Variants in LRRTM4 observed in about 807,000 individuals in gnomAD.
LRRTM4 encodes the protein leucine-rich repeat transmembrane neuronal protein 4.
Under a neutral mutation model 47.6 loss-of-function variants are expected in LRRTM4, and 25 were observed. That is an observed-to-expected ratio of 0.53 (90% CI 0.38 to 0.73). The LOEUF (loss-of-function observed/expected upper bound fraction) is 0.73. Among genes scored for constraint, LRRTM4 ranks in the 30% least tolerant of loss-of-function variants. LRRTM4 has a pLI of 0.00. For missense variants in LRRTM4, 638 were observed against 713.4 expected (o/e 0.89, Z 1.20); for synonymous variants, 311 against 269.5 (o/e 1.15, Z -1.51).
intron 3 of LRRTM4, among the ~76,000 whole-genome samples, chr2:77,018,579 T>A (rs1213301784): frequency 6.6e-6 from 1 of 152,074 alleles, no homozygotes; most frequent in Non-Finnish European, 1.5e-5. Flanking sequence ...GGTGATAACA[T>A]CAGCAACCAG....
chr2:77,232,084 C>T (rs566754253), intron 3 of LRRTM4, among the ~76,000 whole-genome samples: 2 of 152,090 alleles, frequency 1.3e-5, no homozygotes, highest in East Asian at 3.9e-4. Flanking sequence ...TCCACATCAA[C>T]TTCTTGTATC....
At position 77,111,619 on chromosome 2, in the gene LRRTM4, A is replaced by T. The variant is rs566004551; in HGVS notation, c.1552-362703T>A. Among the ~76,000 whole-genome samples the T allele has an allele frequency of 3.9e-5, 6 of 152,080 alleles. No homozygotes were observed. The South Asian group carries it at 1.2e-3, about 32-fold the overall frequency. On this transcript the variant is annotated intron_variant, in intron 3 of 3. Coordinates refer to ENST00000409884, the MANE Select transcript of LRRTM4 (RefSeq NM_001134745.3). ...TACCCCATCCTACTTGGTCCTTAAGATTTCCTGTGTCCAGGGTCTCCATGG... is the reference window on the plus strand; with the variant it reads ...TACCCCATCCTACTTGGTCCTTAAGTTTTCCTGTGTCCAGGGTCTCCATGG...
chr2:77,394,967 T>A (rs1055137769), intron 3 of LRRTM4, among the ~76,000 whole-genome samples: 4 of 151,936 alleles, frequency 2.6e-5, no homozygotes, highest in Non-Finnish European at 5.9e-5. Flanking sequence ...TTGTCTTAAT[T>A]TGCTTATCTT....
intron 3 of LRRTM4, among the ~76,000 whole-genome samples, chr2:77,102,940 A>G (rs984602491): frequency 6.6e-6 from 1 of 152,186 alleles, no homozygotes; most frequent in Non-Finnish European, 1.5e-5. Context: ...TCTGTGTCAG[A>G]GACCATGTGA....
chr2:77,270,229 G>C (rs1316325703), intron 3 of LRRTM4, among the ~76,000 whole-genome samples: 1 of 151,956 alleles, frequency 6.6e-6, no homozygotes, highest in Non-Finnish European at 1.5e-5. Context: ...AAGTGACCTA[G>C]AAAATTGAAA....
chr2:77,478,834 T>A (rs1425307924), intron 3 of LRRTM4, among the ~76,000 whole-genome samples: 1 of 152,200 alleles, frequency 6.6e-6, no homozygotes. Context: ...AAAAACAAAG[T>A]GCTCATCTTG....
At chr2:77,265,276 A>C (rs73940894) in intron 3 of LRRTM4, among the ~76,000 whole-genome samples, 10,890 of 152,122 alleles carry the variant, frequency 0.072, 1,273 homozygotes, top group African/African-American at 0.25. Flanking sequence ...TGTGTCCCCA[A>C]AGTTCGTATG....
intron 3 of LRRTM4, among the ~76,000 whole-genome samples, chr2:77,339,287 T>C (rs1171571584): frequency 6.6e-6 from 1 of 152,114 alleles, no homozygotes; most frequent in African/African-American, 2.4e-5. Context: ...TGCAATTTAC[T>C]TAACGTATAT....
At chr2:76,953,378 A>C (rs1675560662) in intron 3 of LRRTM4, among the ~76,000 whole-genome samples, 1 of 151,906 alleles carries the variant, frequency 6.6e-6, no homozygotes, top group South Asian at 2.1e-4. Flanking sequence ...AAAGCCAAGA[A>C]TAGTTGCTTT....
chr2:77,506,330 GA>G (rs1678771540), intron 3 of LRRTM4, among the ~76,000 whole-genome samples: 1 of 151,626 alleles, frequency 6.6e-6, no homozygotes, highest in Non-Finnish European at 1.5e-5. Context: ...TAGAGGAAAT[GA>G]TTAAGACATA....
chr2:77,233,704 G>A (rs13421501), intron 3 of LRRTM4, among the ~76,000 whole-genome samples: 29,260 of 152,080 alleles, frequency 0.19, 5,321 homozygotes, highest in African/African-American at 0.47. Context: ...TTGTAAATCA[G>A]AACCTCAGAG....
rs994344111 is a variant in LRRTM4, at chr2:76,859,169, T to A, written c.1552-110253A>T. Among the ~76,000 whole-genome samples the A allele has an allele frequency of 3.3e-5, 5 of 152,338 alleles. No homozygotes were observed. In the East Asian group the frequency reaches 9.6e-4, roughly 29 times the overall value. On this transcript the variant is annotated intron_variant, in intron 3 of 3. Coordinates refer to ENST00000409884, the MANE Select transcript of LRRTM4 (RefSeq NM_001134745.3). ...AGAAAGGACTGAAAAGTATCATATT[T>A]AACTTAGGAGGGGGTGAAGGATACT... is the stretch of plus-strand genomic sequence containing the variant.
chr2:76,779,435 C>A (rs1674223091), intron 3 of LRRTM4, among the ~76,000 whole-genome samples: 2 of 149,238 alleles, frequency 1.3e-5, no homozygotes, highest in South Asian at 4.3e-4. Flanking sequence ...CTTTATGAAT[C>A]TGGGTGCTCC....
chr2:76,925,430 G>A (rs539670443), intron 3 of LRRTM4, among the ~76,000 whole-genome samples: 1 of 152,174 alleles, frequency 6.6e-6, no homozygotes, highest in Admixed American at 6.6e-5. Context: ...GAGGCTCTTA[G>A]CCGAGGATCC....
At chr2:76,877,711 A>G (rs1672816043) in intron 3 of LRRTM4, among the ~76,000 whole-genome samples, 1 of 152,196 alleles carries the variant, frequency 6.6e-6, no homozygotes, top group African/African-American at 2.4e-5. Flanking sequence ...TATAAATTCA[A>G]TATGAAGTCT....
chr2:77,485,177 T>C (rs1677860413), intron 3 of LRRTM4, among the ~76,000 whole-genome samples: 1 of 151,976 alleles, frequency 6.6e-6, no homozygotes, highest in African/African-American at 2.4e-5. Context: ...AAAATATAGA[T>C]ATTTACTCCA....
intron 3 of LRRTM4, among the ~76,000 whole-genome samples, chr2:77,118,338 A>G (rs1289352284): frequency 6.6e-6 from 1 of 151,928 alleles, no homozygotes; most frequent in African/African-American, 2.4e-5. Context: ...CAAAACTCAG[A>G]AAAGTATCTA....
chr2:76,846,977 T>C lies in LRRTM4; in HGVS notation c.1552-98061A>G, dbSNP rs144682900. Reference sequence around the variant, plus strand: ...AAAACAAACTCTTCCAGCTGAGAGGTTTAGAGATCTTCTGAGGAGAATAAT... The same window carrying C: ...AAAACAAACTCTTCCAGCTGAGAGGCTTAGAGATCTTCTGAGGAGAATAAT... On this transcript the variant is annotated intron_variant, in intron 3 of 3. Coordinates refer to ENST00000409884, the MANE Select transcript of LRRTM4 (RefSeq NM_001134745.3). Among the ~76,000 whole-genome samples the C allele has an allele frequency of 1.6e-3, 250 of 152,168 alleles. 2 individuals carry two copies. The highest frequency in any genetic ancestry group is 5.8e-3 in the African/African-American group (239 of 41,530).
intron 3 of LRRTM4, among the ~76,000 whole-genome samples, chr2:76,918,317 TTTAAG>T (rs1558737753): frequency 6.6e-6 from 1 of 152,214 alleles, no homozygotes. Context: ...TTATTTAATG[TTTAAG>T]TTTTTACTTG....
Sources: gnomAD v4.1 joint callset for allele counts (sites outside exome capture counted in the v4.1 genomes callset) on GRCh38, gnomAD v4.1.1 for gene constraint, MANE v1.5 for transcripts, NCBI Gene and HGNC (gene_info 2026-07-23, HGNC 2026-07-21) for gene names.